Variants in ELAVL2 observed in about 807,000 individuals in gnomAD.
ELAVL2 encodes ELAV like RNA binding protein 2.
In ELAVL2, 4 loss-of-function variants were observed where a neutral mutation model predicts 34.6. That is an observed-to-expected ratio of 0.12 (90% CI 0.06 to 0.26). The LOEUF (loss-of-function observed/expected upper bound fraction) is 0.26. ELAVL2 is among the 10% of genes least tolerant of loss of function. The probability of loss-of-function intolerance (pLI) is 1.00; values close to 1 mark genes in which losing one functional copy is unlikely to be tolerated. For missense variants in ELAVL2, 432 were observed against 442.8 expected (o/e 0.98, Z 0.22); for synonymous variants, 193 against 154.8 (o/e 1.25, Z -1.83).
At chr9:23,697,058 G>A (rs1196970412) in intron 5 of ELAVL2, among the ~76,000 whole-genome samples, 1 of 152,094 alleles carries the variant, frequency 6.6e-6, no homozygotes, top group Non-Finnish European at 1.5e-5. Context: ...TCGAAGGGGA[G>A]AGGCGGCGAG....
At chr9:23,814,945 T>C (rs997518561) in intron 1 of ELAVL2, among the ~76,000 whole-genome samples, 1 of 149,078 alleles carries the variant, frequency 6.7e-6, no homozygotes. Flanking sequence ...ACACAAATGA[T>C]GCCTAAAGAA....
At chr9:23,693,746 G>C (rs911197759) in intron 5 of ELAVL2, among the ~76,000 whole-genome samples, 6 of 152,336 alleles carry the variant, frequency 3.9e-5, no homozygotes, top group African/African-American at 1.2e-4. Flanking sequence ...CTTTCAGAGA[G>C]GAAGTGCGAA....
chr9:23,830,625 C>CACACA (rs1554774159), upstream of ELAVL2, among the ~76,000 whole-genome samples: 54 of 142,028 alleles, frequency 3.8e-4, 1 homozygote, highest in East Asian at 7.8e-3. Flanking sequence ...CACACACACA[C>CACACA]CTTTTTTTTT....
intron 1 of ELAVL2, chr9:23,764,972 A>G: frequency 6.3e-7 from 1 of 1,598,936 alleles, no homozygotes; most frequent in Non-Finnish European, 8.5e-7. Flanking sequence ...ATGCTAAAAA[A>G]AAGTAGCCTA....
At chr9:23,706,766 T>A (rs2039461897) in intron 3 of ELAVL2, among the ~76,000 whole-genome samples, 1 of 152,204 alleles carries the variant, frequency 6.6e-6, no homozygotes, top group South Asian at 2.1e-4. Context: ...ACACTAATAC[T>A]TAAATAACTT....
chr9:23,783,622 C>T (rs1177394533), intron 1 of ELAVL2: 2 of 513,504 alleles, frequency 3.9e-6, no homozygotes, highest in Non-Finnish European at 5.0e-6. Context: ...CATCTGCATT[C>T]ATTCTAACAT....
chr9:23,744,174 T>G (rs1227976203), intron 2 of ELAVL2, among the ~76,000 whole-genome samples: 1 of 152,202 alleles, frequency 6.6e-6, no homozygotes. Flanking sequence ...TACTCTCTGA[T>G]GCTCGCCCCC....
chr9:23,787,924 T>C (rs543873349), intron 1 of ELAVL2, among the ~76,000 whole-genome samples: 14 of 152,066 alleles, frequency 9.2e-5, no homozygotes, highest in Admixed American at 2.6e-4. Context: ...TCAAAAACAG[T>C]GGAGGTGCTG....
intron 5 of ELAVL2, 103 bp downstream of exon 5, chr9:23,701,276 G>C: frequency 7.7e-7 from 1 of 1,302,116 alleles, no homozygotes; most frequent in Non-Finnish European, 1.1e-6. Flanking sequence ...CAACAACACT[G>C]ACAAAAGCAA....
intron 1 of ELAVL2, chr9:23,821,241 T>A (rs1388290077): frequency 6.6e-6 from 1 of 152,304 alleles, no homozygotes; most frequent in Non-Finnish European, 1.5e-5. Context: ...GTCTCAACAG[T>A]TTCCTTCTTG....
intron 3 of ELAVL2, among the ~76,000 whole-genome samples, chr9:23,722,941 C>T (rs909604559): frequency 1.3e-5 from 2 of 152,138 alleles, no homozygotes; most frequent in African/African-American, 4.8e-5. Flanking sequence ...GTAGAACAGA[C>T]TGAAGCCAAA....
intron 1 of ELAVL2, among the ~76,000 whole-genome samples, chr9:23,822,072 T>C (rs866247344): frequency 1.3e-5 from 2 of 151,914 alleles, no homozygotes; most frequent in South Asian, 2.1e-4. Context: ...GTGGAGAGCG[T>C]TGAGCGCCCA....
At chr9:23,790,058 T>TA (rs1419964242) in intron 1 of ELAVL2, among the ~76,000 whole-genome samples, 4 of 148,154 alleles carry the variant, frequency 2.7e-5, no homozygotes, top group African/African-American at 9.9e-5. Context: ...AGGTTGATGG[T>TA]AAAAAAGGGG....
At chr9:23,830,125 C>G (rs2065451193), upstream of ELAVL2, 1 of 152,142 alleles carries the variant, frequency 6.6e-6, no homozygotes, top group East Asian at 1.9e-4. Flanking sequence ...TTCGAAAAGT[C>G]TGGTAAACCT....
chr9:23,833,377 A>T, the ELAVL2 span, among the ~76,000 whole-genome samples: 1 of 151,894 alleles, frequency 6.6e-6, no homozygotes, highest in South Asian at 2.1e-4. Context: ...TTTTTTTCTT[A>T]ATCAAATTGA....
chr9:23,740,601 T>C (rs1222423500), intron 2 of ELAVL2, among the ~76,000 whole-genome samples: 1 of 152,034 alleles, frequency 6.6e-6, no homozygotes, highest in East Asian at 1.9e-4. Flanking sequence ...ATAAATTGAC[T>C]GGAACTTCAA....
At chr9:23,846,100 CAAA>C in the ELAVL2 span, among the ~76,000 whole-genome samples, 4 of 151,718 alleles carry the variant, frequency 2.6e-5, no homozygotes, top group African/African-American at 9.7e-5. Context: ...ATTTTATAAA[CAAA>C]AAAGATCAAA....
chr9:23,774,125 G>C (rs2057784851), intron 1 of ELAVL2, among the ~76,000 whole-genome samples: 1 of 146,970 alleles, frequency 6.8e-6, no homozygotes, highest in Non-Finnish European at 1.5e-5. Context: ...GCAGGACAAT[G>C]GCATGAACCC....
At chr9:23,755,432 TAC>T (rs1350050030) in intron 2 of ELAVL2, among the ~76,000 whole-genome samples, 1 of 152,174 alleles carries the variant, frequency 6.6e-6, no homozygotes, top group African/African-American at 2.4e-5. Flanking sequence ...ATGAAGCTTC[TAC>T]AGTGATAACA....
Sources: allele counts gnomAD v4.1 joint callset (sites outside exome capture counted in the v4.1 genomes callset), GRCh38; gene constraint gnomAD v4.1.1; transcripts MANE v1.5; gene names NCBI Gene and HGNC (gene_info 2026-07-23, HGNC 2026-07-21).